RHOJ: variants seen among roughly 807,000 people sequenced by gnomAD.
RHOJ encodes the protein ras homolog family member J.
In RHOJ, 11 loss-of-function variants were observed where a neutral mutation model predicts 23.4. That is an observed-to-expected ratio of 0.47 (90% CI 0.30 to 0.78). RHOJ has a LOEUF of 0.78. RHOJ is among the 30% of genes least tolerant of loss of function. RHOJ has a pLI of 0.08. For missense variants in RHOJ, 254 were observed against 273.4 expected (o/e 0.93, Z 0.50); for synonymous variants, 102 against 102.7 (o/e 0.99, Z 0.04).
At chr14:63,210,801 A>G (rs1040602453) in intron 1 of RHOJ, among the ~76,000 whole-genome samples, 1 of 152,258 alleles carries the variant, frequency 6.6e-6, no homozygotes. Flanking sequence ...GTCGGGGTAC[A>G]TAGGTGTGTA....
Position 63,293,415 on chromosome 14 carries a change from G to A in RHOJ, c.*2391G>A, listed in dbSNP as rs920441329. 2.0e-5 allele frequency among the ~76,000 whole-genome samples: 3 copies of A among 152,162 alleles called. No individual in the cohort carries two copies. Among genetic ancestry groups the A allele is most frequent in the East Asian group, 3.9e-4 (2 of 5,192 alleles). On this transcript the variant is annotated 3_prime_UTR_variant, in exon 5 of 5. Coordinates refer to ENST00000316754, the MANE Select transcript of RHOJ (RefSeq NM_020663.5). ...GGGGAGATCACGTCACCCAGAACCA[G>A]CAACTGGATAGAGACTGTTGTTAGT...
intron 2 of RHOJ, among the ~76,000 whole-genome samples, chr14:63,276,315 C>G (rs935881275): frequency 1.3e-5 from 2 of 152,186 alleles, no homozygotes; most frequent in African/African-American, 4.8e-5. Flanking sequence ...GAAACCACTG[C>G]ATTAGCTAAT....
chr14:63,267,603 A>G (rs928127399), intron 1 of RHOJ, among the ~76,000 whole-genome samples: 9 of 152,248 alleles, frequency 5.9e-5, no homozygotes, highest in African/African-American at 2.2e-4. Context: ...TTTCAGAAAC[A>G]TCTGACTGGG....
At chr14:63,267,762 G>A (rs1250625130) in intron 1 of RHOJ, among the ~76,000 whole-genome samples, 12 of 152,184 alleles carry the variant, frequency 7.9e-5, no homozygotes, top group African/African-American at 2.7e-4. Context: ...CATGGTAACC[G>A]GGGTGGACGG....
intron 1 of RHOJ, among the ~76,000 whole-genome samples, chr14:63,223,808 C>T (rs1202067497): frequency 2.6e-5 from 4 of 151,672 alleles, no homozygotes; most frequent in East Asian, 3.9e-4. Context: ...TAAAAGATGA[C>T]GTCAACATGT....
At chr14:63,236,398 C>T (rs1177764740) in intron 1 of RHOJ, among the ~76,000 whole-genome samples, 1 of 152,170 alleles carries the variant, frequency 6.6e-6, no homozygotes, top group African/African-American at 2.4e-5. Context: ...CTCACAGTTC[C>T]ACATGGCTGG....
intron 1 of RHOJ, among the ~76,000 whole-genome samples, chr14:63,243,355 G>A (rs1052664828): frequency 6.6e-6 from 1 of 152,048 alleles, no homozygotes; most frequent in African/African-American, 2.4e-5. Flanking sequence ...TGTTGTTGTT[G>A]TTGAGATAGA....
intron 4 of RHOJ, among the ~76,000 whole-genome samples, chr14:63,283,835 T>G (rs533609976): frequency 2.6e-5 from 4 of 152,336 alleles, no homozygotes; most frequent in Admixed American, 1.3e-4. Context: ...TCTTGAGAGC[T>G]TAACATGAAG....
At position 63,225,164 on chromosome 14, in the gene RHOJ, G is replaced by A. The variant is rs569831105; in HGVS notation, c.178+20117G>A. ...GACTGGGTTTCACTCTGTTAGCCAGGATGGTCTCAATCTCCTGACCTCGTG... is the reference window on the plus strand; with the variant it reads ...GACTGGGTTTCACTCTGTTAGCCAGAATGGTCTCAATCTCCTGACCTCGTG... On this transcript the variant is annotated intron_variant, in intron 1 of 4. Transcript: ENST00000316754. Among the ~76,000 whole-genome samples the A allele has an allele frequency of 7.2e-5, 11 of 152,172 alleles. No individual in the cohort carries two copies. The South Asian group carries it at 2.3e-3, about 32-fold the overall frequency.
At chr14:63,265,689 T>C (rs1388772912) in intron 1 of RHOJ, among the ~76,000 whole-genome samples, 3 of 152,156 alleles carry the variant, frequency 2.0e-5, no homozygotes, top group South Asian at 2.1e-4. Flanking sequence ...GTCCCCAAGA[T>C]GGTTGGTTAC....
intron 1 of RHOJ, among the ~76,000 whole-genome samples, chr14:63,251,029 G>A (rs756565096): frequency 6.6e-5 from 10 of 151,992 alleles, no homozygotes; most frequent in East Asian, 3.9e-4. Flanking sequence ...GTGAAACTCC[G>A]TCTCAAAAAT....
At chr14:63,247,641 A>C (rs1193947105) in intron 1 of RHOJ, among the ~76,000 whole-genome samples, 2 of 152,200 alleles carry the variant, frequency 1.3e-5, no homozygotes, top group Non-Finnish European at 2.9e-5. Flanking sequence ...CCTTGGGTAG[A>C]ATAATGATAG....
intron 2 of RHOJ, among the ~76,000 whole-genome samples, chr14:63,269,958 G>C (rs1399940965): frequency 6.6e-6 from 1 of 152,208 alleles, no homozygotes; most frequent in Non-Finnish European, 1.5e-5. Context: ...TGGAGGGGAA[G>C]TGGTTAAGCA....
chr14:63,241,787 C>G (rs1410087091), intron 1 of RHOJ, among the ~76,000 whole-genome samples: 1 of 152,116 alleles, frequency 6.6e-6, no homozygotes, highest in Non-Finnish European at 1.5e-5. Context: ...ATATTCAGGC[C>G]AGGAGGTTCC....
At chr14:63,290,826 G>A (rs371640600) in intron 4 of RHOJ, 52 bp from the exon 5 acceptor site, 28 of 1,554,746 alleles carry the variant, frequency 1.8e-5, no homozygotes, top group Non-Finnish European at 2.3e-5. Flanking sequence ...TGATACCACT[G>A]TGCTTTTCTC....
intron 1 of RHOJ, among the ~76,000 whole-genome samples, chr14:63,233,002 A>C (rs1894725428): frequency 6.6e-6 from 1 of 151,636 alleles, no homozygotes; most frequent in South Asian, 2.1e-4. Flanking sequence ...AGCCTCCATC[A>C]CTCAATAAAG....
At chr14:63,224,797 C>T (rs1894559078) in intron 1 of RHOJ, among the ~76,000 whole-genome samples, 1 of 152,056 alleles carries the variant, frequency 6.6e-6, no homozygotes, top group South Asian at 2.1e-4. Flanking sequence ...AAGTTAATGC[C>T]CACTCTTATC....
chr14:63,290,068 C>A (rs531191570), intron 4 of RHOJ, among the ~76,000 whole-genome samples: 1 of 152,002 alleles, frequency 6.6e-6, no homozygotes, highest in East Asian at 1.9e-4. Flanking sequence ...CATGGGAAAA[C>A]CCCGTCTCTA....
At position 63,204,884 on chromosome 14, in the gene RHOJ, G is replaced by C. The variant is rs1226074696; in HGVS notation, c.15G>C (p.Glu5Asp). MNCKEGTDSSCGCRG... is the reference protein window; with the variant it reads MNCKDGTDSSCGCRG... ...GAGCCGCAAGAATGAACTGCAAAGAGGGAACTGACAGCAGCTGCGGCTGCA... is the reference window on the plus strand; with the variant it reads ...GAGCCGCAAGAATGAACTGCAAAGACGGAACTGACAGCAGCTGCGGCTGCA... Residue 5 changes from glutamate (E) to aspartate (D), a missense_variant, in exon 1 of 5, where the codon GAG becomes GAC. Glu to Asp is a conservative substitution (Grantham distance 45). Transcript: ENST00000316754. 1.1e-5 allele frequency: 18 copies of C among 1,613,536 alleles called. No homozygotes were observed. The highest frequency in any genetic ancestry group is 1.5e-5 in the Non-Finnish European group (18 of 1,179,782).
Sources: gnomAD v4.1 joint callset for allele counts (sites outside exome capture counted in the v4.1 genomes callset) on GRCh38, gnomAD v4.1.1 for gene constraint, MANE v1.5 for transcripts, NCBI Gene and HGNC (gene_info 2026-07-23, HGNC 2026-07-21) for gene names.